TSFM: variants seen among roughly 807,000 people sequenced by gnomAD.
TSFM encodes Ts translation elongation factor, mitochondrial.
TSFM carries 29 observed loss-of-function variants against 33.4 expected under a neutral mutation model. The observed-to-expected ratio is 0.87, with a 90% CI of 0.65 to 1.18. The LOEUF (loss-of-function observed/expected upper bound fraction) is 1.18. Ranked by LOEUF, TSFM falls within the 50% of genes most tolerant of loss-of-function variation. The probability of loss-of-function intolerance (pLI) is 0.00; values close to 1 mark genes in which losing one functional copy is unlikely to be tolerated. For synonymous variants in TSFM, 178 were observed against 163.5 expected, an observed-to-expected ratio of 1.09 and a Z score of -0.68; for missense variants, 394 against 395.6, an observed-to-expected ratio of 1.00 and a Z score of 0.04.
At chr12:57,791,540 A>G (rs1354201043) in intron 4 of TSFM, among the ~76,000 whole-genome samples, 1 of 152,216 alleles carries the variant, frequency 6.6e-6, no homozygotes, top group Non-Finnish European at 1.5e-5. Flanking sequence ...TTTGTTGCAC[A>G]GATAGTAGTA....
chr12:57,786,669 G>A (rs533941570), intron 3 of TSFM, among the ~76,000 whole-genome samples: 1 of 152,326 alleles, frequency 6.6e-6, no homozygotes, highest in South Asian at 2.1e-4. Flanking sequence ...GTCAGATGTG[G>A]ATTAGTTTAG....
downstream of TSFM, chr12:57,799,816 AT>A: frequency 1.2e-6 from 2 of 1,614,114 alleles, no homozygotes; most frequent in Non-Finnish European, 1.7e-6. Flanking sequence ...CAGGGTTTAC[AT>A]CCTCAGGCAG....
rs1228922108 is a variant in TSFM, at chr12:57,783,135, C to T, written c.83C>T (p.Pro28Leu). ...YPAGSLLRQSPQPRHTFYAGP... is the reference protein window; with the variant it reads ...YPAGSLLRQSLQPRHTFYAGP... ...GCTGGGTCTCTTCTGCGTCAGTCGC[C>T]CCAGCCAAGGCACACATTTTATGCT... The change falls in exon 2 of 6, where the codon CCC becomes CTC. Residue 28 changes from proline to leucine, a missense_variant. Around this residue, in one of 3 missense-constraint regions of TSFM, gnomAD observed 208 missense variants for 180.4 expected, o/e 1.15. Coordinates refer to ENST00000652027, the MANE Select transcript of TSFM (RefSeq NM_005726.6). 3 of 1,611,844 alleles carry T rather than the reference C, an allele frequency of 1.9e-6. No individual in the cohort carries two copies. Among genetic ancestry groups the T allele is most frequent in the Admixed American group, 1.7e-5 (1 of 60,010 alleles).
chr12:57,786,416 G>A, intron 3 of TSFM, 125 bp downstream of exon 3: 3 of 1,222,498 alleles, frequency 2.5e-6, no homozygotes, highest in Non-Finnish European at 3.3e-6. Flanking sequence ...CGTAGTTGAA[G>A]TTAAACTCAT....
At chr12:57,795,563 G>A (rs1955723311) in intron 5 of TSFM, among the ~76,000 whole-genome samples, 1 of 152,126 alleles carries the variant, frequency 6.6e-6, no homozygotes, top group South Asian at 2.1e-4. Flanking sequence ...GCAGAACTGA[G>A]ACCTGAGTCA....
At chr12:57,788,209 G>T (rs1246364691) in intron 4 of TSFM, among the ~76,000 whole-genome samples, 1 of 151,640 alleles carries the variant, frequency 6.6e-6, no homozygotes, top group Non-Finnish European at 1.5e-5. Context: ...TATTGAGTAG[G>T]TAAGTCACTT....
chr12:57,792,945 A>G (rs1955682882), intron 4 of TSFM, 41 bp from the exon 5 acceptor site: 1 of 1,573,624 alleles, frequency 6.4e-7, no homozygotes, highest in Admixed American at 1.7e-5. Context: ...TAATTTGAAT[A>G]GTACAGAATC....
At chr12:57,801,003 CA>C (rs1955835830), downstream of TSFM, 1 of 611,060 alleles carries the variant, frequency 1.6e-6, no homozygotes, top group Non-Finnish European at 2.7e-6. Context: ...CTATTGATTA[CA>C]AAAAGTCTTT....
At chr12:57,788,827 C>T (rs1053768518) in intron 4 of TSFM, among the ~76,000 whole-genome samples, 6 of 151,784 alleles carry the variant, frequency 4.0e-5, no homozygotes, top group Non-Finnish European at 5.9e-5. Context: ...TAGAGACAGT[C>T]TTGCCATCTT....
downstream of TSFM, chr12:57,802,103 T>G: frequency 3.9e-4 from 607 of 1,557,362 alleles, no homozygotes; most frequent in Non-Finnish European, 4.8e-4. Context: ...TCCTGCCCAC[T>G]GAGCTGTTCT....
At chr12:57,784,137 T>C (rs949972485) in intron 2 of TSFM, 1 of 702,428 alleles carries the variant, frequency 1.4e-6, no homozygotes, top group Non-Finnish European at 2.6e-6. Flanking sequence ...AAAATGTTAC[T>C]GGACTGAATA....
intron 2 of TSFM, 137 bp downstream of exon 2, chr12:57,783,420 A>C: frequency 8.9e-7 from 1 of 1,122,072 alleles, no homozygotes; most frequent in Non-Finnish European, 1.3e-6. Context: ...ATCTGGCTTA[A>C]ATGACAACCT....
chr12:57,788,869 G>A (rs1234322966), intron 4 of TSFM, among the ~76,000 whole-genome samples: 1 of 151,830 alleles, frequency 6.6e-6, no homozygotes, highest in Non-Finnish European at 1.5e-5. Context: ...CTGGGCTCAA[G>A]AAATCCACCT....
At chr12:57,793,156 A>G in intron 5 of TSFM, 83 bp downstream of exon 5, 2 of 1,209,432 alleles carry the variant, frequency 1.7e-6, no homozygotes, top group Non-Finnish European at 2.4e-6. Context: ...TAGGTCAAGA[A>G]TCATGTGCCT....
chr12:57,784,830 AG>A (rs1393723983), intron 2 of TSFM, among the ~76,000 whole-genome samples: 1 of 148,216 alleles, frequency 6.7e-6, no homozygotes, highest in Non-Finnish European at 1.5e-5. Context: ...TGGTGAGCCG[AG>A]ATCGTGCCAT....
At position 57,797,464 on chromosome 12, in the gene TSFM, C is replaced by T. The variant is rs563065302; in HGVS notation, c.*881C>T. On this transcript the variant is annotated 3_prime_UTR_variant, in exon 6 of 6. Transcript: ENST00000652027. ...GTATTTGGATTTTGCCTATGGAGTG[C>T]ATATATGATTTCAATGATTTACAGG... is the stretch of plus-strand genomic sequence containing the variant. 9.3e-5 allele frequency: 92 copies of T among 985,050 alleles called. No individual in the cohort carries two copies. The African/African-American group carries it at 1.5e-3, about 16-fold the overall frequency. 61.0% of individuals were successfully genotyped at this position (985,050 alleles called of 1,614,324 possible). A position where few individuals can be genotyped will look rare whatever the true frequency, so the allele number is the denominator to read the frequency against.
chr12:57,799,662 G>A, downstream of TSFM: 1 of 1,304,302 alleles, frequency 7.7e-7, no homozygotes, highest in Non-Finnish European at 1.0e-6. Context: ...TTTTTGGTTT[G>A]AGTTCCTAGG....
intron 2 of TSFM, among the ~76,000 whole-genome samples, chr12:57,784,745 T>C (rs1750001326): frequency 1.3e-5 from 2 of 151,578 alleles, no homozygotes; most frequent in Non-Finnish European, 1.5e-5. Context: ...CCTGGTGTGG[T>C]GGCAAGGGCC....
At chr12:57,784,589 CTT>C (rs1258787335) in intron 2 of TSFM, among the ~76,000 whole-genome samples, 1 of 151,928 alleles carries the variant, frequency 6.6e-6, no homozygotes, top group African/African-American at 2.4e-5. Flanking sequence ...AAATTTTAAA[CTT>C]TTTTTGGCTG....
Sources: gnomAD v4.1 joint callset for allele counts (sites outside exome capture counted in the v4.1 genomes callset) on GRCh38, gnomAD v4.1.1 for gene constraint, gnomAD v4.1.1 regional missense constraint, MANE v1.5 for transcripts, NCBI Gene and HGNC (gene_info 2026-07-23, HGNC 2026-07-21) for gene names.